ECE1: variants seen among roughly 807,000 people sequenced by gnomAD.
The protein encoded by ECE1 is endothelin-converting enzyme 1.
In ECE1, 35 loss-of-function variants were observed where a neutral mutation model predicts 98.6. The ratio of observed to expected loss-of-function variants is 0.35; its 90% confidence interval spans 0.27 to 0.47. The LOEUF is 0.47. Ranked by LOEUF, ECE1 falls within the 20% of genes least tolerant of loss-of-function variation. The pLI, the probability that ECE1 is intolerant of heterozygous loss-of-function variation, is 1.00. For synonymous variants in ECE1, 394 were observed against 407.1 expected (o/e 0.97, Z 0.39); for missense variants, 814 against 1,025.3 (o/e 0.79, Z 2.81).
intron 1 of ECE1, among the ~76,000 whole-genome samples, chr1:21,300,159 C>T (rs1638452225): frequency 6.6e-6 from 1 of 152,262 alleles, no homozygotes; most frequent in African/African-American, 2.4e-5. Flanking sequence ...GGAGGCAGCA[C>T]ATGGGGGCTG....
At chr1:21,292,029 G>A (rs1233877432), upstream of ECE1, among the ~76,000 whole-genome samples, 5 of 151,282 alleles carry the variant, frequency 3.3e-5, no homozygotes, top group African/African-American at 1.2e-4. Context: ...GGTGGTATGC[G>A]CCTGTAGTCC....
upstream of ECE1, chr1:21,294,480 C>A: frequency 6.6e-6 from 1 of 152,638 alleles, no homozygotes; most frequent in Non-Finnish European, 1.5e-5. The surrounding 1 kb of genome is among the most constrained non-coding windows in gnomAD (Gnocchi z 4.2). Flanking sequence ...GGGGTGGAAC[C>A]ACAGCTCCCT....
chr1:21,315,632 A>G (rs903206687), intron 1 of ECE1, among the ~76,000 whole-genome samples: 1 of 151,924 alleles, frequency 6.6e-6, no homozygotes, highest in Non-Finnish European at 1.5e-5. Context: ...CATCTCTACT[A>G]AAAATACAAA....
intron 7 of ECE1, among the ~76,000 whole-genome samples, chr1:21,256,433 A>C (rs2098220058): frequency 6.6e-6 from 1 of 152,100 alleles, no homozygotes; most frequent in African/African-American, 2.4e-5. Flanking sequence ...GGAGGTGCCT[A>C]TAATCCCAGC....
chr1:21,265,887 C>T (rs532767255), intron 4 of ECE1, among the ~76,000 whole-genome samples: 1 of 152,158 alleles, frequency 6.6e-6, no homozygotes, highest in Non-Finnish European at 1.5e-5. Flanking sequence ...AGCACTTCTG[C>T]GGCCTCCTTG....
intron 2 of ECE1, among the ~76,000 whole-genome samples, chr1:21,286,556 A>G (rs940804565): frequency 1.3e-5 from 2 of 152,218 alleles, no homozygotes; most frequent in African/African-American, 4.8e-5. Context: ...AGTTAGAGCC[A>G]GCTTCCTTTG....
intron 1 of ECE1, among the ~76,000 whole-genome samples, chr1:21,314,008 G>T (rs12116775): frequency 1.3e-5 from 2 of 152,130 alleles, no homozygotes; most frequent in African/African-American, 4.8e-5. Context: ...GCTGCTAAAC[G>T]GTAACACCAA....
At chr1:21,336,760 G>A (rs562679168) in intron 1 of ECE1, among the ~76,000 whole-genome samples, 10 of 152,076 alleles carry the variant, frequency 6.6e-5, no homozygotes, top group Non-Finnish European at 1.0e-4. Flanking sequence ...GGAGAATGGC[G>A]TGAACCCAAA....
intron 8 of ECE1, among the ~76,000 whole-genome samples, chr1:21,253,925 C>T (rs962104000): frequency 4.0e-5 from 6 of 151,754 alleles, no homozygotes; most frequent in South Asian, 4.2e-4. Context: ...AAAAATTAGC[C>T]GGGCGTGGTG....
At chr1:21,338,966 G>A (rs1247248762) in intron 1 of ECE1, among the ~76,000 whole-genome samples, 1 of 152,150 alleles carries the variant, frequency 6.6e-6, no homozygotes, top group East Asian at 1.9e-4. Flanking sequence ...GATGGGGAGA[G>A]GAGGCTTCTG....
intron 8 of ECE1, among the ~76,000 whole-genome samples, chr1:21,252,222 T>G (rs1000398611): frequency 2.6e-5 from 4 of 152,212 alleles, no homozygotes; most frequent in Non-Finnish European, 4.4e-5. Flanking sequence ...TGCAGGGAAG[T>G]TCCCATGACT....
intron 7 of ECE1, 144 bp from the exon 8 acceptor site, chr1:21,256,282 G>A: frequency 1.1e-6 from 1 of 947,954 alleles, no homozygotes; most frequent in South Asian, 1.8e-5. Context: ...GGGGCCAGGT[G>A]TGGTGGCTCA....
chr1:21,275,498 G>A (rs2098245450), intron 3 of ECE1, among the ~76,000 whole-genome samples: 1 of 152,206 alleles, frequency 6.6e-6, no homozygotes, highest in South Asian at 2.1e-4. Flanking sequence ...GGGAGGCTGA[G>A]GCAGGAGAAT....
chr1:21,295,631 A>G (rs1441406114), intron 1 of ECE1, among the ~76,000 whole-genome samples: 1 of 152,252 alleles, frequency 6.6e-6, no homozygotes, highest in Non-Finnish European at 1.5e-5. Context: ...TAGCCAAATC[A>G]GAAACTCGCC....
At chr1:21,294,116 G>C (rs1033367166), upstream of ECE1, 1 of 152,564 alleles carries the variant, frequency 6.6e-6, no homozygotes, top group South Asian at 2.1e-4. The surrounding 1 kb of genome is among the most constrained non-coding windows in gnomAD (Gnocchi z 4.2). Context: ...GAGAACCCGA[G>C]CCCCGCGGCG....
In ECE1 at chr1:21,290,426, G is replaced by A; in HGVS notation, c.-12C>T. The stretch of plus-strand genomic sequence containing the variant: ...CACACGCCCCGCATGCTGTGCCCCA[G>A]ACGCCTGGTCCCGCTGCCCGGGTGG... On this transcript the variant is annotated 5_prime_UTR_variant, in exon 1 of 19. Coordinates refer to ENST00000374893, the MANE Select transcript of ECE1 (RefSeq NM_001397.3). This position sits in a 1 kb window ranked among gnomAD's most constrained non-coding sequence, Gnocchi z 7.3. 1 of 1,230,920 alleles carries A rather than the reference G, an allele frequency of 8.1e-7. No individual in the cohort carries two copies. Among genetic ancestry groups the A allele is most frequent in the Non-Finnish European group, 1.0e-6 (1 of 987,886 alleles). 76.2% of individuals were successfully genotyped at this position (1,230,920 alleles called of 1,614,324 possible).
At chr1:21,298,782 C>T (rs1452002673) in intron 1 of ECE1, 5 of 456,324 alleles carry the variant, frequency 1.1e-5, no homozygotes, top group South Asian at 7.7e-5. Flanking sequence ...GATAAGACGG[C>T]AATCACCACC....
At chr1:21,334,953 T>A (rs1317517990) in intron 1 of ECE1, among the ~76,000 whole-genome samples, 1 of 151,998 alleles carries the variant, frequency 6.6e-6, no homozygotes, top group Non-Finnish European at 1.5e-5. Flanking sequence ...CCAAGCCCAG[T>A]CGCCCCTCAA....
At chr1:21,300,438 G>A (rs12758257) in intron 1 of ECE1, among the ~76,000 whole-genome samples, 10,356 of 152,094 alleles carry the variant, frequency 0.068, 485 homozygotes, top group Middle Eastern at 0.14. Flanking sequence ...TGCCCTGAAT[G>A]ACTTTTTTTT....
Sources: gnomAD v4.1 joint callset for allele counts (sites outside exome capture counted in the v4.1 genomes callset) on GRCh38, gnomAD v4.1.1 for gene constraint, Gnocchi (gnomAD v3.1) non-coding constraint, MANE v1.5 for transcripts, NCBI Gene and HGNC (gene_info 2026-07-23, HGNC 2026-07-21) for gene names.